The following UCK2 variants were observed in gnomAD, a reference collection of about 807,000 sequenced individuals.
UCK2 encodes uridine-cytidine kinase 2.
A neutral mutation model predicts 30.8 loss-of-function variants in UCK2; 6 were observed. The ratio of observed to expected loss-of-function variants is 0.19; its 90% confidence interval spans 0.11 to 0.38. The LOEUF is 0.38. Ranked by LOEUF, UCK2 falls within the 10% of genes least tolerant of loss-of-function variation. The pLI is 1.00. For synonymous variants in UCK2, 125 were observed against 133.6 expected (o/e 0.94, Z 0.45); for missense variants, 210 against 339.8 (o/e 0.62, Z 3.00).
intron 3 of UCK2, among the ~76,000 whole-genome samples, chr1:165,893,269 G>C (rs1478055950): frequency 6.6e-6 from 1 of 152,178 alleles, no homozygotes; most frequent in East Asian, 1.9e-4. Flanking sequence ...GCCAACAAAA[G>C]AAAATCCTGG....
intron 4 of UCK2, chr1:165,902,960 CA>C (rs1219455972): frequency 2.6e-6 from 1 of 390,492 alleles, no homozygotes; most frequent in East Asian, 4.1e-5. Context: ...TTTCAAAGAG[CA>C]TTGTGTCATT....
At chr1:165,833,058 T>TCAG (rs890345706) in intron 1 of UCK2, among the ~76,000 whole-genome samples, 2 of 152,066 alleles carry the variant, frequency 1.3e-5, no homozygotes, top group African/African-American at 4.8e-5. Context: ...TGGCCGTGAG[T>TCAG]CAGCATCTGC....
rs1055927343 is a variant in UCK2 at position 165,841,748 on chromosome 1, T to A, written c.99+13816T>A. ...AGTGCCCAGTGTCATGGTTGGTGTT[T>A]TTAAGCGTCTGCCAAACTGAATTAA... On this transcript the variant is annotated intron_variant, in intron 1 of 6. Transcript: ENST00000367879. Among the ~76,000 whole-genome samples the A allele has an allele frequency of 9.2e-5, 14 of 152,160 alleles. No individual in the cohort carries two copies. In the South Asian group the frequency reaches 1.7e-3, roughly 18 times the overall value.
intron 1 of UCK2, among the ~76,000 whole-genome samples, chr1:165,838,822 C>T (rs1407417730): frequency 1.3e-5 from 2 of 151,800 alleles, no homozygotes; most frequent in African/African-American, 4.8e-5. Flanking sequence ...CCGGGATGGG[C>T]AGGTCATCTG....
intron 1 of UCK2, among the ~76,000 whole-genome samples, chr1:165,839,931 C>T (rs368915364): frequency 6.6e-6 from 1 of 152,338 alleles, no homozygotes; most frequent in East Asian, 1.9e-4. Flanking sequence ...TTCCCCCACC[C>T]CGGCCCCCGC....
chr1:165,888,680 A>G (rs1291688439), intron 1 of UCK2, among the ~76,000 whole-genome samples: 1 of 108,316 alleles, frequency 9.2e-6, no homozygotes, highest in Non-Finnish European at 1.7e-5. Flanking sequence ...ATGGGGTCTC[A>G]CTGTGTTGCC....
chr1:165,889,334 A>G (rs1479235260), intron 1 of UCK2, among the ~76,000 whole-genome samples: 1 of 152,242 alleles, frequency 6.6e-6, no homozygotes, highest in African/African-American at 2.4e-5. Context: ...TTCCGTTGAT[A>G]TAAAGAGATG....
In UCK2 at chr1:165,880,872, G is replaced by A. The variant is rs150958747; in HGVS notation, c.100-9332G>A. Among the ~76,000 whole-genome samples, 74 of 151,730 alleles carry A rather than the reference G, an allele frequency of 4.9e-4. 2 individuals carry two copies. In the East Asian group the frequency reaches 0.013, roughly 28 times the overall value. The stretch of plus-strand genomic sequence containing the variant: ...AGTGTAGATACCTCTCTGCCTTTTT[G>A]TTTAAGATGATGTAGCAGGCTGGGC... On this transcript the variant is annotated intron_variant, in intron 1 of 6. Coordinates refer to ENST00000367879, the MANE Select transcript of UCK2 (RefSeq NM_012474.5).
At chr1:165,887,779 C>A (rs938576997) in intron 1 of UCK2, among the ~76,000 whole-genome samples, 1 of 151,812 alleles carries the variant, frequency 6.6e-6, no homozygotes, top group African/African-American at 2.4e-5. Flanking sequence ...TTTCCCCCCC[C>A]ACCCATCCAT....
At chr1:165,875,498 A>G (rs1405958887) in intron 1 of UCK2, among the ~76,000 whole-genome samples, 7 of 152,128 alleles carry the variant, frequency 4.6e-5, no homozygotes, top group African/African-American at 1.7e-4. Context: ...TACTTGCTAC[A>G]CTATTTACCT....
chr1:165,885,170 G>T, intron 1 of UCK2: 1 of 381,630 alleles, frequency 2.6e-6, no homozygotes, highest in Non-Finnish European at 4.6e-6. Flanking sequence ...GAGAACATCG[G>T]GGTGAATGCC....
At chr1:165,896,869 G>GCTAC (rs1647274948) in intron 4 of UCK2, among the ~76,000 whole-genome samples, 1 of 152,226 alleles carries the variant, frequency 6.6e-6, no homozygotes, top group Non-Finnish European at 1.5e-5. Context: ...GCCCTACTAA[G>GCTAC]TGTGGGCCTG....
intron 1 of UCK2, among the ~76,000 whole-genome samples, chr1:165,830,172 A>T (rs571770418): frequency 7.0e-6 from 1 of 143,812 alleles, no homozygotes; most frequent in Non-Finnish European, 1.5e-5. Context: ...TGCCCGACTA[A>T]TTTTTTTTTT....
intron 1 of UCK2, among the ~76,000 whole-genome samples, chr1:165,838,369 C>T (rs1207226613): frequency 6.6e-6 from 1 of 152,108 alleles, no homozygotes; most frequent in African/African-American, 2.4e-5. Context: ...TCGGGAGGGC[C>T]CTAGAAATGC....
At chr1:165,833,794 G>A (rs76522912) in intron 1 of UCK2, among the ~76,000 whole-genome samples, 3,221 of 152,162 alleles carry the variant, frequency 0.021, 112 homozygotes, top group African/African-American at 0.072. Flanking sequence ...TCAATAAAAA[G>A]GGGTTGAGAG....
intron 1 of UCK2, among the ~76,000 whole-genome samples, chr1:165,858,488 G>T (rs1397543099): frequency 2.0e-5 from 3 of 152,184 alleles, no homozygotes; most frequent in Non-Finnish European, 4.4e-5. Flanking sequence ...GCAACCAGCT[G>T]CTCTGATAGG....
chr1:165,849,789 T>G (rs996181972), intron 1 of UCK2, among the ~76,000 whole-genome samples: 4 of 152,170 alleles, frequency 2.6e-5, no homozygotes, highest in Non-Finnish European at 5.9e-5. Flanking sequence ...AAAATCTGTC[T>G]CTTGGAATGA....
rs755229549 is a variant in UCK2 at position 165,900,749 on chromosome 1, C to CGT, written c.500-2417_500-2416dup. The CGT allele has an allele frequency of 2.4e-3, 366 of 151,176 alleles. 5 individuals are homozygous for CGT. In the East Asian group the frequency reaches 0.033, roughly 14 times the overall value. 9.4% of individuals were successfully genotyped at this position (151,176 alleles called of 1,614,324 possible). On this transcript the variant is annotated intron_variant, in intron 4 of 6. Coordinates refer to ENST00000367879, the MANE Select transcript of UCK2 (RefSeq NM_012474.5). ...GTGCATGTGTGTTTGTGTGTGTGCACGTGTGTGTGTGTGTGTGCTGGGAGA... is the reference window on the plus strand; with the variant it reads ...GTGCATGTGTGTTTGTGTGTGTGCACGTGTGTGTGTGTGTGTGTGCTGGGAGA...
At chr1:165,899,912 G>C (rs1647396044) in intron 4 of UCK2, among the ~76,000 whole-genome samples, 2 of 152,190 alleles carry the variant, frequency 1.3e-5, no homozygotes, top group Non-Finnish European at 2.9e-5. Flanking sequence ...GCAGAGGTGG[G>C]CAAGGCCTTA....
Sources: allele counts gnomAD v4.1 joint callset (sites outside exome capture counted in the v4.1 genomes callset), GRCh38; gene constraint gnomAD v4.1.1; transcripts MANE v1.5; gene names NCBI Gene and HGNC (gene_info 2026-07-23, HGNC 2026-07-21).